FIGNL2: variants seen among roughly 807,000 people sequenced by gnomAD.
FIGNL2 encodes the protein fidgetin like 2, also known as fidgetin-like protein 2.
For synonymous variants in FIGNL2, 565 were observed against 484.0 expected, an observed-to-expected ratio of 1.17 and a Z score of -2.20; for missense variants, 1,060 against 950.2, an observed-to-expected ratio of 1.12 and a Z score of -1.52.
In FIGNL2 at chr12:51,820,795, G is replaced by A; in HGVS notation, c.1619C>T (p.Ala540Val). The A allele has an allele frequency of 6.8e-7, 1 of 1,475,030 alleles. No individual in the cohort carries two copies. Among genetic ancestry groups the A allele is most frequent in the Non-Finnish European group, 8.9e-7 (1 of 1,121,280 alleles). The allele number at this position is 1,475,030 out of a possible 1,614,324, so 91.4% of individuals were successfully genotyped here. The part of the protein sequence containing the change: ...LVVGTTSRPA[A>V]LDEATRRRFS... ...GCGCCGGCGGGTCGCCTCGTCCAGA[G>A]CCGCGGGCCGCGAGGTGGTGCCCAC... The change falls in exon 2 of 2, where the codon GCT becomes GTT. Residue 540 changes from alanine (A) to valine (V), a missense_variant. Coordinates refer to ENST00000618634, the MANE Select transcript of FIGNL2 (RefSeq NM_001384995.1).
Position 51,821,736 on chromosome 12 carries a change from G to A in FIGNL2, c.678C>T (p.Pro226=), listed in dbSNP as rs1939205575. ...YGALPPPPGP[P]PAPYLTPGLP... ...GGCCCGGGGTCAGGTAGGGGGCCGG[G>A]GGTGGGCCTGGGGGCGGCGGGAGCG... The change falls in exon 2 of 2, where the codon CCC becomes CCT. Residue 226 remains proline, a synonymous_variant. Transcript: ENST00000618634. 2 of 1,303,188 alleles carry A rather than the reference G, an allele frequency of 1.5e-6. No individual in the cohort carries two copies. The allele number at this position is 1,303,188 out of a possible 1,614,324, so 80.7% of individuals were successfully genotyped here. A position where few individuals can be genotyped will look rare whatever the true frequency, so the allele number is the denominator to read the frequency against.
At chr12:51,847,872 C>T (rs529090715) in intron 1 of FIGNL2, 56 of 973,764 alleles carry the variant, frequency 5.8e-5, no homozygotes, top group Non-Finnish European at 6.2e-5. Context: ...GGGGGTCCCC[C>T]TTGTTGCCTG....
chr12:51,828,691 C>T (rs1939393354), intron 1 of FIGNL2, among the ~76,000 whole-genome samples: 1 of 152,288 alleles, frequency 6.6e-6, no homozygotes, highest in Admixed American at 6.5e-5. Flanking sequence ...TCTCCATGCA[C>T]AGGGCCTGAT....
chr12:51,822,460 G>A (rs1372088109), intron 1 of FIGNL2, 36 bp from the exon 2 acceptor site: 3 of 1,607,332 alleles, frequency 1.9e-6, no homozygotes, highest in Non-Finnish European at 2.5e-6. Context: ...GTGAGGTCTA[G>A]CCACCGAGGA....
chr12:51,830,834 G>A (rs1939446764), intron 1 of FIGNL2, among the ~76,000 whole-genome samples: 1 of 151,880 alleles, frequency 6.6e-6, no homozygotes, highest in African/African-American at 2.4e-5. Flanking sequence ...TATTGCCCAG[G>A]CTGGAGTGCA....
chr12:51,820,659 C>A lies in FIGNL2; in HGVS notation c.1755G>T (p.Ala585=). Residue 585 remains alanine (A), a synonymous_variant, in exon 2 of 2, where the codon GCG becomes GCT. Coordinates refer to ENST00000618634, the MANE Select transcript of FIGNL2 (RefSeq NM_001384995.1). ...AGAAGCCCTGCGTGCCCTGCACCAG[C>A]GCCGCCAGTTCCCGCTCACTGAGCG... The part of the protein sequence containing the change: ...GCALSERELA[A]LVQGTQGFSG... 1 of 1,515,974 alleles carries A rather than the reference C, an allele frequency of 6.6e-7. No individual in the cohort carries two copies. The highest frequency in any genetic ancestry group is 1.2e-5 in the South Asian group (1 of 82,884). 93.9% of individuals were successfully genotyped at this position (1,515,974 alleles called of 1,614,324 possible). A position where few individuals can be genotyped will look rare whatever the true frequency, so the allele number is the denominator to read the frequency against.
chr12:51,841,142 C>T (rs534638537), intron 1 of FIGNL2, among the ~76,000 whole-genome samples: 18 of 152,336 alleles, frequency 1.2e-4, no homozygotes, highest in South Asian at 8.3e-4. Context: ...CTATGCAGCC[C>T]GGCCGGTCCA....
At chr12:51,833,569 C>T (rs1939511764) in intron 1 of FIGNL2, among the ~76,000 whole-genome samples, 1 of 152,164 alleles carries the variant, frequency 6.6e-6, no homozygotes, top group Non-Finnish European at 1.5e-5. Context: ...GCTGCCACTG[C>T]CCCTCCTCCC....
Position 51,818,644 on chromosome 12 carries a change from G to A in FIGNL2, c.*1808C>T, listed in dbSNP as rs303820. ...CCCCCCCAGACACCCTCCCAGCCAG[G>A]GGGGAGGCAGTAGACTCTAGGAAAT... On this transcript the variant is annotated 3_prime_UTR_variant, in exon 2 of 2. Coordinates refer to ENST00000618634, the MANE Select transcript of FIGNL2 (RefSeq NM_001384995.1). 2 of 152,412 alleles carry A rather than the reference G, an allele frequency of 1.3e-5. No individual in the cohort carries two copies. Among genetic ancestry groups the A allele is most frequent in the Non-Finnish European group, 2.9e-5 (2 of 68,398 alleles). The allele number at this position is 152,412 out of a possible 1,614,324, so 9.4% of individuals were successfully genotyped here.
At chr12:51,840,556 C>T (rs542986890) in intron 1 of FIGNL2, among the ~76,000 whole-genome samples, 2 of 152,128 alleles carry the variant, frequency 1.3e-5, no homozygotes, top group South Asian at 4.2e-4. Context: ...ACCAACATGG[C>T]GAAACCCTGT....
At chr12:51,846,949 A>G (rs1047826831) in intron 1 of FIGNL2, 28 of 957,802 alleles carry the variant, frequency 2.9e-5, no homozygotes, top group Non-Finnish European at 3.5e-5. Flanking sequence ...GGGATTTACG[A>G]GGCCTGTCAC....
At chr12:51,823,689 C>T (rs757785603) in intron 1 of FIGNL2, 3 of 152,118 alleles carry the variant, frequency 2.0e-5, no homozygotes, top group Non-Finnish European at 2.9e-5. Flanking sequence ...CAGTCGATGC[C>T]GATGATGATT....
At chr12:51,827,466 T>A (rs923629285) in intron 1 of FIGNL2, among the ~76,000 whole-genome samples, 6 of 152,050 alleles carry the variant, frequency 3.9e-5, no homozygotes, top group Non-Finnish European at 8.8e-5. Flanking sequence ...CCTCAAGTGA[T>A]CTGTCTGCCT....
At chr12:51,834,012 A>AATGGATGG (rs1229120315) in intron 1 of FIGNL2, among the ~76,000 whole-genome samples, 1 of 16,920 alleles carries the variant, frequency 5.9e-5, no homozygotes, top group African/African-American at 8.5e-5. Context: ...TGGACAGACA[A>AATGGATGG]ATGGACGGAT....
intron 1 of FIGNL2, 50 bp from the exon 2 acceptor site, chr12:51,822,474 A>T (rs1344716900): frequency 1.3e-6 from 2 of 1,598,918 alleles, no homozygotes; most frequent in South Asian, 2.3e-5. Flanking sequence ...CCGAGGACCC[A>T]GTGGGCCACT....
chr12:51,821,410 G>A lies in FIGNL2; in HGVS notation c.1004C>T (p.Ser335Phe), dbSNP rs778993890. The change falls in exon 2 of 2, where the codon TCC becomes TTC. Residue 335 changes from serine (S) to phenylalanine (F), a missense_variant. Physicochemically the swap from Ser to Phe is radical, Grantham distance 155. Transcript: ENST00000618634. ...CTCCAGTTGCGGGCCGTAGACGGGG[G>A]AGCCCAGGACCTTGAGGGGGACGCC... ...GGGVPLKVLG[S>F]PVYGPQLEPF... The A allele has an allele frequency of 1.3e-6, 2 of 1,531,576 alleles. No individual in the cohort carries two copies. Among genetic ancestry groups the A allele is most frequent in the Non-Finnish European group, 1.8e-6 (2 of 1,141,750 alleles). The allele number at this position is 1,531,576 out of a possible 1,614,324, so 94.9% of individuals were successfully genotyped here. A position where few individuals can be genotyped will look rare whatever the true frequency, so the allele number is the denominator to read the frequency against.
At chr12:51,830,685 G>A (rs370068636) in intron 1 of FIGNL2, among the ~76,000 whole-genome samples, 174 of 151,906 alleles carry the variant, frequency 1.1e-3, no homozygotes, top group African/African-American at 2.9e-3. Flanking sequence ...TAGAGATGGG[G>A]TTTCACCATG....
chr12:51,834,945 G>T (rs551333326), intron 1 of FIGNL2, among the ~76,000 whole-genome samples: 75 of 152,358 alleles, frequency 4.9e-4, no homozygotes, highest in African/African-American at 1.7e-3. Context: ...AGACTCAAGT[G>T]TGGAAAGAGA....
intron 1 of FIGNL2, chr12:51,847,273 C>A (rs1253207751): frequency 1.0e-6 from 1 of 985,274 alleles, no homozygotes; most frequent in African/African-American, 1.7e-5. Flanking sequence ...GTGGCATCTG[C>A]GGGCCCAGCC....
Sources: gnomAD v4.1 joint callset for allele counts (sites outside exome capture counted in the v4.1 genomes callset) on GRCh38, gnomAD v4.1.1 for gene constraint, MANE v1.5 for transcripts, NCBI Gene and HGNC (gene_info 2026-07-23, HGNC 2026-07-21) for gene names.